The following UBE2E1 variants were observed in gnomAD, a reference collection of about 807,000 sequenced individuals.
UBE2E1 encodes ubiquitin conjugating enzyme E2 E1, also known as ubiquitin-conjugating enzyme E2 E1.
Under a neutral mutation model 21.4 loss-of-function variants are expected in UBE2E1, and 6 were observed. The ratio of observed to expected loss-of-function variants is 0.28; its 90% CI spans 0.15 to 0.55. UBE2E1 has a LOEUF of 0.55. Ranked by LOEUF, UBE2E1 falls within the 20% of genes least tolerant of loss-of-function variation. The pLI is 0.93. For synonymous variants in UBE2E1, 87 were observed against 82.7 expected (o/e 1.05, Z -0.28); for missense variants, 142 against 236.5 (o/e 0.60, Z 2.62).
At chr3:23,813,741 C>G (rs1699451355) in intron 3 of UBE2E1, among the ~76,000 whole-genome samples, 1 of 152,084 alleles carries the variant, frequency 6.6e-6, no homozygotes, top group South Asian at 2.1e-4. Flanking sequence ...TGGGGTTTCA[C>G]CATGTTGGCC....
At chr3:23,813,170 C>G (rs111764083) in intron 3 of UBE2E1, among the ~76,000 whole-genome samples, 1,967 of 152,234 alleles carry the variant, frequency 0.013, 33 homozygotes, top group African/African-American at 0.044. Context: ...ATGCACCAAA[C>G]TGGGTGGCTG....
chr3:23,819,687 T>G (rs1699605390), intron 3 of UBE2E1, among the ~76,000 whole-genome samples: 1 of 152,190 alleles, frequency 6.6e-6, no homozygotes, highest in Non-Finnish European at 1.5e-5. Flanking sequence ...ATTACCCTCT[T>G]CAGAAAATAG....
intron 2 of UBE2E1, chr3:23,807,657 A>C (rs951215551): frequency 4.8e-6 from 2 of 419,316 alleles, no homozygotes; most frequent in Non-Finnish European, 8.2e-6. Context: ...TGAAGTTTGT[A>C]AGATTCCTCG....
intron 3 of UBE2E1, among the ~76,000 whole-genome samples, chr3:23,855,926 T>C (rs942938728): frequency 6.6e-6 from 1 of 152,066 alleles, no homozygotes; most frequent in Non-Finnish European, 1.5e-5. Context: ...TTCCGTGAGG[T>C]GTGGTATGTG....
chr3:23,856,441 T>G (rs185081166), intron 3 of UBE2E1, among the ~76,000 whole-genome samples: 1 of 152,364 alleles, frequency 6.6e-6, no homozygotes, highest in East Asian at 1.9e-4. Flanking sequence ...TCTCCCCATC[T>G]GGAGTATGGT....
Position 23,863,616 on chromosome 3 carries a change from C to T in UBE2E1, c.204-23951C>T, listed in dbSNP as rs28561515. Among the ~76,000 whole-genome samples the T allele has an allele frequency of 7.5e-3, 1,143 of 152,258 alleles. 14 individuals carry two copies. Among genetic ancestry groups the T allele is most frequent in the African/African-American group, 0.026 (1,068 of 41,540 alleles). ...CGCGATCTCAACTCACCGCAACCTC[C>T]GCCTTCTGGGTTCAAGTGATTCTGC... On this transcript the variant is annotated intron_variant, in intron 3 of 5. Transcript: ENST00000306627. The surrounding 1 kb of genome is among the most constrained non-coding windows in gnomAD (Gnocchi z 4.3).
intron 3 of UBE2E1, chr3:23,879,337 T>A: frequency 1.4e-6 from 1 of 708,998 alleles, no homozygotes; most frequent in Non-Finnish European, 2.3e-6. Context: ...TTCTCCGTGT[T>A]AAATCTTTTG....
chr3:23,822,396 T>C (rs6771166), intron 3 of UBE2E1, among the ~76,000 whole-genome samples: 116,299 of 151,976 alleles, frequency 0.77, 44,958 homozygotes, highest in African/African-American at 0.86. Flanking sequence ...TTTCTTAACA[T>C]AGTATATATA....
At chr3:23,865,129 G>A in intron 3 of UBE2E1, among the ~76,000 whole-genome samples, 1 of 152,190 alleles carries the variant, frequency 6.6e-6, no homozygotes, top group East Asian at 1.9e-4. Context: ...TCTGCTCAGG[G>A]TCTCTCTTGG....
rs543039169 is a variant in UBE2E1, at chr3:23,832,907, G to T, written c.203+21397G>T. ...AAAAATAATCCAGGTGTGGTGGTGTGCCTGTCATCCCATGTACTTGGGAGG... is the reference window on the plus strand; with the variant it reads ...AAAAATAATCCAGGTGTGGTGGTGTTCCTGTCATCCCATGTACTTGGGAGG... On this transcript the variant is annotated intron_variant, in intron 3 of 5. Coordinates refer to ENST00000306627, the MANE Select transcript of UBE2E1 (RefSeq NM_003341.5). Among the ~76,000 whole-genome samples, 3 of 151,984 alleles carry T rather than the reference G, an allele frequency of 2.0e-5. No homozygotes were observed. The South Asian group carries it at 6.2e-4, about 32-fold the overall frequency.
rs1559482435 is a variant in UBE2E1 at position 23,842,239 on chromosome 3, GT to G, written c.203+30730del. On this transcript the variant is annotated intron_variant, in intron 3 of 5. Transcript: ENST00000306627. This position sits in a 1 kb window ranked among gnomAD's most constrained non-coding sequence, Gnocchi z 4.6. ...TGTGTGTGTGTGTGTGTGTGTGTGTGTGTGTGTGTGGTGTTGTTGTTGTTGG... is the reference window on the plus strand; with the variant it reads ...TGTGTGTGTGTGTGTGTGTGTGTGTGGTGTGTGTGGTGTTGTTGTTGTTGG... Among the ~76,000 whole-genome samples the G allele has an allele frequency of 2.5e-3, 179 of 72,348 alleles. No homozygotes were observed. The highest frequency in any genetic ancestry group is 4.8e-3 in the African/African-American group (86 of 18,088). The allele number at this position is 72,348 out of a possible 152,430, so 47.5% of individuals were successfully genotyped here.
intron 3 of UBE2E1, among the ~76,000 whole-genome samples, chr3:23,829,361 T>C (rs1397041586): frequency 6.6e-6 from 1 of 151,116 alleles, no homozygotes; most frequent in African/African-American, 2.4e-5. Flanking sequence ...GATCTCACTA[T>C]GTTGCCCAGG....
Position 23,810,333 on chromosome 3 carries a change from C to CA in UBE2E1, c.153-1124dup. The CA allele has an allele frequency of 1.7e-6, 2 of 1,166,946 alleles. No homozygotes were observed. The highest frequency in any genetic ancestry group is 2.4e-6 in the Non-Finnish European group (2 of 817,628). 72.3% of individuals were successfully genotyped at this position (1,166,946 alleles called of 1,614,324 possible). On this transcript the variant is annotated intron_variant, in intron 2 of 5. Transcript: ENST00000306627. This position sits in a 1 kb window ranked among gnomAD's most constrained non-coding sequence, Gnocchi z 5.8. ...TCTAAGTGCCTAGGTAAGCAAAAGA[C>CA]AAAGGCCAGGGCTTGGTGTGAACTG...
intron 3 of UBE2E1, among the ~76,000 whole-genome samples, chr3:23,884,314 C>A (rs1701125884): frequency 6.6e-6 from 1 of 152,138 alleles, no homozygotes; most frequent in African/African-American, 2.4e-5. Context: ...GTAAAATGTT[C>A]AAACTTATGC....
In UBE2E1 at chr3:23,831,166, G is replaced by T. The variant is rs902199213; in HGVS notation, c.203+19656G>T. ...TTAAATAAAAAGATAATATTATAGG[G>T]ATATTTGAGTGTGTGTCTGATAACC... is the stretch of plus-strand genomic sequence containing the variant. On this transcript the variant is annotated intron_variant, in intron 3 of 5. Transcript: ENST00000306627. Among the ~76,000 whole-genome samples, 3 of 152,322 alleles carry T rather than the reference G, an allele frequency of 2.0e-5. No homozygotes were observed. In the East Asian group the frequency reaches 5.8e-4, roughly 29 times the overall value.
intron 3 of UBE2E1, among the ~76,000 whole-genome samples, chr3:23,882,037 T>G (rs1199264020): frequency 2.6e-5 from 4 of 152,170 alleles, no homozygotes; most frequent in Non-Finnish European, 4.4e-5. Context: ...GTGTTACAGC[T>G]CACAAAGGCA....
At chr3:23,819,099 A>G (rs1699590474) in intron 3 of UBE2E1, among the ~76,000 whole-genome samples, 1 of 152,166 alleles carries the variant, frequency 6.6e-6, no homozygotes, top group Non-Finnish European at 1.5e-5. Flanking sequence ...CCTGGCTAAC[A>G]TGGTGAAACC....
rs531950390 is a variant in UBE2E1 at position 23,865,402 on chromosome 3, G to A, written c.204-22165G>A. Among the ~76,000 whole-genome samples, 12 of 152,282 alleles carry A rather than the reference G, an allele frequency of 7.9e-5. No individual in the cohort carries two copies. The South Asian group carries it at 1.7e-3, about 21-fold the overall frequency. On this transcript the variant is annotated intron_variant, in intron 3 of 5. Transcript: ENST00000306627. ...TTTCACTCTGTCACTCACCTAGGCC[G>A]GAGTGCAGTGGTGCAATCTCGGCTC...
intron 3 of UBE2E1, among the ~76,000 whole-genome samples, chr3:23,846,698 C>CAAAAA (rs10662469): frequency 0.012 from 1,067 of 89,572 alleles, 30 homozygotes; most frequent in Non-Finnish European, 0.017. Context: ...TCCATCTCAT[C>CAAAAA]AAAAAAAAAA....
Sources: allele counts gnomAD v4.1 joint callset (sites outside exome capture counted in the v4.1 genomes callset), GRCh38; gene constraint gnomAD v4.1.1; non-coding constraint Gnocchi (gnomAD v3.1); transcripts MANE v1.5; gene names NCBI Gene and HGNC (gene_info 2026-07-23, HGNC 2026-07-21).